The following TTC28 variants were observed in gnomAD, a reference collection of about 807,000 sequenced individuals.
TTC28 encodes tetratricopeptide repeat domain 28, also known as tetratricopeptide repeat protein 28.
TTC28 carries 61 observed loss-of-function variants against 198.0 expected under a neutral mutation model. That is an observed-to-expected ratio of 0.31 (90% CI 0.25 to 0.38). TTC28 has a LOEUF of 0.38. Ranked by LOEUF, TTC28 falls within the 10% of genes least tolerant of loss-of-function variation. TTC28 has a pLI of 1.00. For missense variants in TTC28, 2,678 were observed against 3,164.0 expected, an observed-to-expected ratio of 0.85 and a Z score of 3.69; for synonymous variants, 1,171 against 1,297.8, an observed-to-expected ratio of 0.90 and a Z score of 2.10.
At chr22:28,417,433 T>A (rs1043851109) in intron 2 of TTC28, among the ~76,000 whole-genome samples, 2 of 149,318 alleles carry the variant, frequency 1.3e-5, no homozygotes, top group African/African-American at 4.9e-5. Flanking sequence ...TATGACCATA[T>A]CACTGCACTC....
At chr22:28,584,442 T>C (rs2050280462) in intron 2 of TTC28, among the ~76,000 whole-genome samples, 1 of 152,106 alleles carries the variant, frequency 6.6e-6, no homozygotes, top group African/African-American at 2.4e-5. Context: ...CTAGCCTGTC[T>C]CTCTCATTTT....
chr22:28,262,818 G>A (rs746433166), intron 5 of TTC28, among the ~76,000 whole-genome samples: 1 of 152,108 alleles, frequency 6.6e-6, no homozygotes, highest in African/African-American at 2.4e-5. Flanking sequence ...TTTCCTTATG[G>A]GGAGAGGATG....
intron 6 of TTC28, among the ~76,000 whole-genome samples, chr22:28,116,481 G>GGCTATGGCCGGGCC (rs1942633936): frequency 2.6e-5 from 4 of 152,168 alleles, no homozygotes; most frequent in Admixed American, 2.6e-4. Context: ...CACTGGGAGA[G>GGCTATGGCCGGGCC]ACTTGGTGGG....
intron 12 of TTC28, among the ~76,000 whole-genome samples, chr22:28,052,703 GT>G (rs1940134875): frequency 6.6e-6 from 1 of 152,194 alleles, no homozygotes; most frequent in Non-Finnish European, 1.5e-5. Context: ...TGTCTCGAGT[GT>G]TTTATTTCCT....
intron 2 of TTC28, among the ~76,000 whole-genome samples, chr22:28,520,220 A>T (rs891800042): frequency 3.9e-5 from 6 of 152,206 alleles, no homozygotes; most frequent in Non-Finnish European, 7.3e-5. Flanking sequence ...TTAATTGAAG[A>T]TAATAATGCT....
chr22:28,339,838 C>T (rs1015058496), intron 2 of TTC28, among the ~76,000 whole-genome samples: 2 of 152,172 alleles, frequency 1.3e-5, no homozygotes, highest in African/African-American at 4.8e-5. Flanking sequence ...CTTGTGCTTC[C>T]TGCGTGAGGC....
At chr22:28,449,264 T>A (rs1329314041) in intron 2 of TTC28, among the ~76,000 whole-genome samples, 1 of 152,180 alleles carries the variant, frequency 6.6e-6, no homozygotes, top group African/African-American at 2.4e-5. Flanking sequence ...GAACACAGCA[T>A]GAGCCAAATC....
At chr22:28,582,104 G>T (rs566506427) in intron 2 of TTC28, among the ~76,000 whole-genome samples, 1 of 151,476 alleles carries the variant, frequency 6.6e-6, no homozygotes, top group Non-Finnish European at 1.5e-5. Flanking sequence ...AATAATAGAC[G>T]ATTACTATAC....
rs1239468389 is a variant in TTC28, at chr22:28,107,394, A to G, written c.2451T>C (p.Tyr817=). 6.4e-7 allele frequency: 1 copy of G among 1,551,830 alleles called. No homozygotes were observed. The highest frequency in any genetic ancestry group is 1.2e-5 in the South Asian group (1 of 84,050). ...TTTGCCCTAGATCCAGTTGCTCTTC[A>G]TAACACTTGAATGCCATTGTGTATT... The part of the protein sequence containing the change: ...LGKYTMAFKC[Y]EEQLDLGQKL... Residue 817 remains tyrosine (Y), a synonymous_variant, in exon 7 of 23, where the codon TAT becomes TAC. Coordinates refer to ENST00000397906, the MANE Select transcript of TTC28 (RefSeq NM_001145418.2).
At chr22:28,631,718 G>T (rs1331794163) in intron 1 of TTC28, among the ~76,000 whole-genome samples, 1 of 152,008 alleles carries the variant, frequency 6.6e-6, no homozygotes, top group Non-Finnish European at 1.5e-5. Flanking sequence ...TAGAGACGAA[G>T]TCTCCTCATG....
chr22:28,080,993 A>G (rs961426251), intron 12 of TTC28, among the ~76,000 whole-genome samples: 3 of 152,096 alleles, frequency 2.0e-5, no homozygotes, highest in Non-Finnish European at 2.9e-5. Context: ...ATCATTTGAC[A>G]TACACATAAG....
At chr22:28,165,109 G>C (rs961055641) in intron 5 of TTC28, among the ~76,000 whole-genome samples, 1 of 152,150 alleles carries the variant, frequency 6.6e-6, no homozygotes, top group Non-Finnish European at 1.5e-5. Flanking sequence ...GAAATGAAGT[G>C]AGAAGAGAAG....
chr22:28,049,917 A>C (rs1028884459), intron 12 of TTC28, among the ~76,000 whole-genome samples: 3 of 152,094 alleles, frequency 2.0e-5, no homozygotes, highest in Admixed American at 1.3e-4. Flanking sequence ...CTCTGAAACA[A>C]AGTACCCATT....
intron 2 of TTC28, among the ~76,000 whole-genome samples, chr22:28,413,538 G>A (rs1453844362): frequency 2.0e-5 from 3 of 152,038 alleles, no homozygotes; most frequent in South Asian, 2.1e-4. Context: ...ATGTTGCGAC[G>A]AACTCTGGTA....
At chr22:28,515,867 C>A (rs116048905) in intron 2 of TTC28, among the ~76,000 whole-genome samples, 2,425 of 152,094 alleles carry the variant, frequency 0.016, 85 homozygotes, top group African/African-American at 0.056. Context: ...TGAGTTCAGC[C>A]GGGTGCGGTA....
chr22:28,207,126 T>C (rs1438903473), intron 5 of TTC28, among the ~76,000 whole-genome samples: 2 of 150,518 alleles, frequency 1.3e-5, no homozygotes, highest in Non-Finnish European at 2.9e-5. Context: ...AAATTGAATA[T>C]AGTACCCTTA....
chr22:28,409,073 A>G (rs2047041745), intron 2 of TTC28, among the ~76,000 whole-genome samples: 1 of 152,206 alleles, frequency 6.6e-6, no homozygotes, highest in African/African-American at 2.4e-5. Context: ...GTAATGTTAT[A>G]CAATATCCAC....
At chr22:28,037,407 T>C (rs981686021) in intron 12 of TTC28, among the ~76,000 whole-genome samples, 7 of 152,082 alleles carry the variant, frequency 4.6e-5, no homozygotes, top group African/African-American at 1.7e-4. Context: ...ACAGAACCAA[T>C]GACAAAAACC....
intron 2 of TTC28, among the ~76,000 whole-genome samples, chr22:28,562,689 G>A (rs2049905433): frequency 6.6e-6 from 1 of 152,166 alleles, no homozygotes; most frequent in African/African-American, 2.4e-5. Flanking sequence ...AGAAGGGCAG[G>A]TTTGGAGCTG....
Sources: gnomAD v4.1 joint callset for allele counts (sites outside exome capture counted in the v4.1 genomes callset) on GRCh38, gnomAD v4.1.1 for gene constraint, MANE v1.5 for transcripts, NCBI Gene and HGNC (gene_info 2026-07-23, HGNC 2026-07-21) for gene names.